SCHIP1: variants seen among roughly 807,000 people sequenced by gnomAD.
The protein encoded by SCHIP1 is schwannomin interacting protein 1, also known as schwannomin-interacting protein 1.
A neutral mutation model predicts 29.7 loss-of-function variants in SCHIP1; 8 were observed. The ratio of observed to expected loss-of-function variants is 0.27; its 90% CI spans 0.16 to 0.49. SCHIP1 has a LOEUF of 0.49. SCHIP1 is among the 20% of genes least tolerant of loss of function. The pLI is 0.99. For synonymous variants in SCHIP1, 76 were observed against 94.9 expected (o/e 0.80, Z 1.16); for missense variants, 193 against 294.6 (o/e 0.66, Z 2.52).
the SCHIP1 span, among the ~76,000 whole-genome samples, chr3:159,469,146 C>T: frequency 2.2e-4 from 33 of 152,120 alleles, 1 homozygote; most frequent in African/African-American, 7.7e-4. Context: ...AATTTTAGGA[C>T]TTTGCAACCC....
the SCHIP1 span, among the ~76,000 whole-genome samples, chr3:159,624,162 G>A: frequency 2.3e-4 from 35 of 152,292 alleles, no homozygotes; most frequent in Middle Eastern, 3.4e-3. Flanking sequence ...AGCACAATTA[G>A]ATATGCATTA....
chr3:159,398,460 A>G, the SCHIP1 span, among the ~76,000 whole-genome samples: 1 of 152,278 alleles, frequency 6.6e-6, no homozygotes, highest in East Asian at 1.9e-4. Flanking sequence ...GAGGGATTTT[A>G]ATTTAGGAAA....
the SCHIP1 span, among the ~76,000 whole-genome samples, chr3:159,283,756 C>T: frequency 6.6e-6 from 1 of 152,008 alleles, no homozygotes; most frequent in African/African-American, 2.4e-5. Context: ...GGTTGTTAAC[C>T]ATGTAATTTT....
the SCHIP1 span, among the ~76,000 whole-genome samples, chr3:159,307,286 C>T: frequency 2.6e-4 from 39 of 152,252 alleles, no homozygotes; most frequent in East Asian, 7.2e-3. Flanking sequence ...GGATCTTTTA[C>T]CTTGTCATGC....
At chr3:159,772,190 G>T in the SCHIP1 span, among the ~76,000 whole-genome samples, 1 of 151,900 alleles carries the variant, frequency 6.6e-6, no homozygotes, top group Non-Finnish European at 1.5e-5. Context: ...TCGCTCTGTC[G>T]CCCAGGCTGC....
the SCHIP1 span, among the ~76,000 whole-genome samples, chr3:159,303,804 T>C: frequency 6.6e-6 from 1 of 152,156 alleles, no homozygotes; most frequent in East Asian, 1.9e-4. Context: ...AATGGAGAAA[T>C]CTTCCATAAA....
chr3:159,394,631 A>G, the SCHIP1 span, among the ~76,000 whole-genome samples: 1 of 151,858 alleles, frequency 6.6e-6, no homozygotes, highest in Non-Finnish European at 1.5e-5. Context: ...TGATTTGCGT[A>G]TATTGAACCA....
chr3:159,350,919 A>AT, the SCHIP1 span, among the ~76,000 whole-genome samples: 2 of 152,218 alleles, frequency 1.3e-5, no homozygotes, highest in East Asian at 1.9e-4. Flanking sequence ...TACTTCTAAG[A>AT]TTTTTTCATT....
chr3:159,794,884 C>T, the SCHIP1 span, among the ~76,000 whole-genome samples: 1 of 152,102 alleles, frequency 6.6e-6, no homozygotes, highest in Non-Finnish European at 1.5e-5. Context: ...ACTCTAGCTA[C>T]TTGTTGGGAT....
the SCHIP1 span, among the ~76,000 whole-genome samples, chr3:159,586,183 A>T: frequency 2.6e-5 from 4 of 152,150 alleles, no homozygotes; most frequent in African/African-American, 4.8e-5. Flanking sequence ...TGATAAGGAC[A>T]TTCGTCCCTA....
chr3:159,845,382 C>CT (rs11344098), intron 1 of SCHIP1: 326 of 140,592 alleles, frequency 2.3e-3, no homozygotes, highest in South Asian at 3.2e-3. Context: ...CAAGCTTCTT[C>CT]TTTTTTTTTT....
At chr3:159,838,885 A>T, upstream of SCHIP1, among the ~76,000 whole-genome samples, 1 of 147,698 alleles carries the variant, frequency 6.8e-6, no homozygotes, top group African/African-American at 2.5e-5. Context: ...TGGGCAACAG[A>T]GTGAGACTCC....
At chr3:159,873,860 C>A (rs1715514504) in intron 2 of SCHIP1, among the ~76,000 whole-genome samples, 1 of 152,208 alleles carries the variant, frequency 6.6e-6, no homozygotes, top group Non-Finnish European at 1.5e-5. Context: ...TAGTCATATT[C>A]TTGAAGAAAC....
At chr3:159,528,676 T>C in the SCHIP1 span, among the ~76,000 whole-genome samples, 2 of 152,190 alleles carry the variant, frequency 1.3e-5, no homozygotes, top group South Asian at 4.1e-4. Flanking sequence ...AGCCTCAGAA[T>C]GCCCCATACC....
intron 1 of SCHIP1, among the ~76,000 whole-genome samples, chr3:159,844,802 C>T (rs1711561376): frequency 6.6e-6 from 1 of 152,164 alleles, no homozygotes; most frequent in East Asian, 1.9e-4. Context: ...TGCTTTCATA[C>T]CTTTCTTGCC....
At chr3:159,711,844 A>T in the SCHIP1 span, among the ~76,000 whole-genome samples, 1 of 152,184 alleles carries the variant, frequency 6.6e-6, no homozygotes, top group African/African-American at 2.4e-5. Context: ...ATCGGCTCTG[A>T]AGGAAGCTGC....
chr3:159,497,415 G>A, the SCHIP1 span, among the ~76,000 whole-genome samples: 2 of 151,856 alleles, frequency 1.3e-5, no homozygotes, highest in Non-Finnish European at 2.9e-5. Flanking sequence ...GGCCTAAGAT[G>A]TGTCTATGCC....
chr3:159,339,137 G>A, the SCHIP1 span, among the ~76,000 whole-genome samples: 8 of 151,896 alleles, frequency 5.3e-5, no homozygotes, highest in East Asian at 7.8e-4. Flanking sequence ...CATCTGTTTT[G>A]TGCATGGCTA....
At chr3:159,359,818 T>C in the SCHIP1 span, among the ~76,000 whole-genome samples, 1 of 152,138 alleles carries the variant, frequency 6.6e-6, no homozygotes, top group African/African-American at 2.4e-5. Flanking sequence ...TAAGAAAAGA[T>C]CCTCCTGTAA....
Sources: allele counts gnomAD v4.1 joint callset (sites outside exome capture counted in the v4.1 genomes callset), GRCh38; gene constraint gnomAD v4.1.1; transcripts MANE v1.5; gene names NCBI Gene and HGNC (gene_info 2026-07-23, HGNC 2026-07-21).